ACACA: variants seen among roughly 807,000 people sequenced by gnomAD.
The protein encoded by ACACA is acetyl-CoA carboxylase 1.
A neutral mutation model predicts 296.1 loss-of-function variants in ACACA; 103 were observed. The observed-to-expected ratio is 0.35, with a 90% CI of 0.30 to 0.41. The LOEUF (loss-of-function observed/expected upper bound fraction) is 0.41, where lower values mean the gene tolerates loss of function less well. Among genes scored for constraint, ACACA ranks in the 10% least tolerant of loss-of-function variants. ACACA has a pLI of 1.00. For synonymous variants in ACACA, 953 were observed against 1,038.6 expected (o/e 0.92, Z 1.58); for missense variants, 1,554 against 2,989.7 (o/e 0.52, Z 11.20).
At chr17:37,263,136 A>C (rs938686441) in intron 11 of ACACA, among the ~76,000 whole-genome samples, 1 of 152,208 alleles carries the variant, frequency 6.6e-6, no homozygotes, top group Non-Finnish European at 1.5e-5. Flanking sequence ...ATATATTTTG[A>C]AGAATCTATT....
intron 1 of ACACA, 53 bp downstream of exon 1, chr17:37,406,209 G>C: frequency 6.3e-7 from 1 of 1,587,734 alleles, no homozygotes; most frequent in Non-Finnish European, 8.6e-7. Context: ...CTCGACAAAT[G>C]GTAGCTATTA....
chr17:37,284,806 T>C (rs992863837), intron 4 of ACACA, 32 bp downstream of exon 4: 6 of 1,613,912 alleles, frequency 3.7e-6, no homozygotes, highest in Middle Eastern at 1.6e-4. Flanking sequence ...CTAAGTGCTT[T>C]TGACAAAATA....
intron 43 of ACACA, 64 bp from the exon 44 acceptor site, chr17:37,151,485 A>G: frequency 6.3e-7 from 1 of 1,595,026 alleles, no homozygotes; most frequent in Non-Finnish European, 8.6e-7. Flanking sequence ...CATTAAAAGA[A>G]TAATCACCAA....
At chr17:37,241,470 C>T (rs886762468) in intron 23 of ACACA, among the ~76,000 whole-genome samples, 2 of 151,938 alleles carry the variant, frequency 1.3e-5, no homozygotes, top group African/African-American at 4.8e-5. Flanking sequence ...TTTGGGAGGC[C>T]GAGGCGGGTG....
At chr17:37,299,009 AGCAGGGTCT>A (rs554200549) in intron 3 of ACACA, among the ~76,000 whole-genome samples, 184 of 152,332 alleles carry the variant, frequency 1.2e-3, no homozygotes, top group Non-Finnish European at 2.2e-3. Flanking sequence ...ATAATAGCAC[AGCAGGGTCT>A]GCATGGGGTG....
At chr17:37,195,629 A>G (rs1214314499) in intron 35 of ACACA, among the ~76,000 whole-genome samples, 1 of 152,168 alleles carries the variant, frequency 6.6e-6, no homozygotes, top group African/African-American at 2.4e-5. Context: ...TGCAATGGAA[A>G]AGTGGAACTA....
At chr17:37,142,402 T>C (rs2075628649) in intron 45 of ACACA, among the ~76,000 whole-genome samples, 1 of 152,132 alleles carries the variant, frequency 6.6e-6, no homozygotes, top group South Asian at 2.1e-4. Context: ...ACAAACAAAA[T>C]AATCCCCCCA....
chr17:37,359,116 G>C (rs894009539), intron 1 of ACACA: 13 of 985,526 alleles, frequency 1.3e-5, no homozygotes, highest in Non-Finnish European at 1.6e-5. Flanking sequence ...GCACCAGGCC[G>C]GCCCGGCACA....
Position 37,180,621 on chromosome 17 carries a change from T to C in ACACA, c.4932+580A>G, listed in dbSNP as rs112888703. ...GCATAGAGATGATTCACCATACAGA[T>C]TGAAAGAATTTGTTTTCATATAGAG... On this transcript the variant is annotated intron_variant, in intron 40 of 55. Transcript: ENST00000616317. Among the ~76,000 whole-genome samples, 1,058 of 152,306 alleles carry C rather than the reference T, an allele frequency of 6.9e-3. 4 individuals carry two copies. The highest frequency in any genetic ancestry group is 0.022 in the African/African-American group (923 of 41,570).
In ACACA at chr17:37,200,286, T is replaced by A; in HGVS notation, c.4114-103A>T. 6 of 1,390,038 alleles carry A rather than the reference T, an allele frequency of 4.3e-6. No individual in the cohort carries two copies. In the South Asian group the frequency reaches 7.1e-5, roughly 16 times the overall value. 86.1% of individuals were successfully genotyped at this position (1,390,038 alleles called of 1,614,324 possible). A position where few individuals can be genotyped will look rare whatever the true frequency, so the allele number is the denominator to read the frequency against. On this transcript the variant is annotated intron_variant, in intron 34 of 55. Transcript: ENST00000616317. ...AAAAGATGATGAGTTAAACTAATGT[T>A]TTTTAAAAATGAAACTTACAGAAAA...
chr17:37,238,291 T>C (rs1324281204), intron 24 of ACACA, among the ~76,000 whole-genome samples: 1 of 150,814 alleles, frequency 6.6e-6, no homozygotes, highest in Non-Finnish European at 1.5e-5. Context: ...TTCCTCTTTT[T>C]TTTTTTTTAA....
At chr17:37,393,783 A>T (rs942777699) in intron 1 of ACACA, among the ~76,000 whole-genome samples, 2 of 150,592 alleles carry the variant, frequency 1.3e-5, no homozygotes, top group African/African-American at 2.4e-5. Flanking sequence ...GAACCATTGC[A>T]CTCCAGCCTG....
intron 45 of ACACA, among the ~76,000 whole-genome samples, chr17:37,130,522 G>A (rs965717651): frequency 6.6e-6 from 1 of 152,038 alleles, no homozygotes; most frequent in Non-Finnish European, 1.5e-5. Context: ...GTATACATAT[G>A]TAACAAACCT....
intron 10 of ACACA, among the ~76,000 whole-genome samples, chr17:37,267,759 TTCTTC>T (rs1473500039): frequency 7.6e-6 from 1 of 131,052 alleles, no homozygotes; most frequent in Admixed American, 8.0e-5. Flanking sequence ...CTTCTTCTTC[TTCTTC>T]TTTTTTTTTT....
At chr17:37,190,175 T>A (rs1481729685) in intron 38 of ACACA, among the ~76,000 whole-genome samples, 1 of 152,108 alleles carries the variant, frequency 6.6e-6, no homozygotes, top group Non-Finnish European at 1.5e-5. Flanking sequence ...ACACCTGTAA[T>A]CCCAGCACTT....
intron 3 of ACACA, among the ~76,000 whole-genome samples, chr17:37,300,530 T>C (rs971704154): frequency 1.3e-5 from 2 of 152,152 alleles, no homozygotes; most frequent in Admixed American, 1.3e-4. Context: ...TAGAAATAGT[T>C]AACAATCTGA....
chr17:37,257,978 CAAAAATGAT>C, intron 13 of ACACA, 112 bp from the exon 14 acceptor site: 1 of 1,414,514 alleles, frequency 7.1e-7, no homozygotes, highest in South Asian at 1.2e-5. Flanking sequence ...AGAAGACACA[CAAAAATGAT>C]AAAGGCCAAG....
intron 30 of ACACA, among the ~76,000 whole-genome samples, chr17:37,209,705 A>G (rs993030381): frequency 6.6e-6 from 1 of 152,252 alleles, no homozygotes; most frequent in Non-Finnish European, 1.5e-5. Flanking sequence ...TTCCACGTGT[A>G]GCTGATTATC....
chr17:37,371,104 A>G (rs1314405620), intron 1 of ACACA, among the ~76,000 whole-genome samples: 1 of 152,004 alleles, frequency 6.6e-6, no homozygotes, highest in Non-Finnish European at 1.5e-5. Flanking sequence ...TTTGAGATGG[A>G]ATTTCACTCT....
Sources: allele counts gnomAD v4.1 joint callset (sites outside exome capture counted in the v4.1 genomes callset), GRCh38; gene constraint gnomAD v4.1.1; transcripts MANE v1.5; gene names NCBI Gene and HGNC (gene_info 2026-07-23, HGNC 2026-07-21).